MOB3B: variants seen among roughly 807,000 people sequenced by gnomAD.
MOB3B encodes MOB kinase activator 3B.
Under a neutral mutation model 18.7 loss-of-function variants are expected in MOB3B, and 7 were observed. The observed-to-expected ratio is 0.37, with a 90% CI of 0.21 to 0.70. The LOEUF is 0.70. Ranked by LOEUF, MOB3B falls within the 30% of genes least tolerant of loss-of-function variation. The pLI is 0.52. For missense variants in MOB3B, 253 were observed against 281.3 expected (o/e 0.90, Z 0.72); for synonymous variants, 111 against 99.9 (o/e 1.11, Z -0.66).
chr9:27,423,206 C>A (rs901448701), intron 2 of MOB3B, among the ~76,000 whole-genome samples: 1 of 152,130 alleles, frequency 6.6e-6, no homozygotes, highest in Non-Finnish European at 1.5e-5. Context: ...TTCTCATCTG[C>A]AAATTGAGAT....
At chr9:27,407,929 C>T (rs186086418) in intron 2 of MOB3B, among the ~76,000 whole-genome samples, 63 of 141,200 alleles carry the variant, frequency 4.5e-4, no homozygotes, top group African/African-American at 1.8e-3. Context: ...ATCCATCACA[C>T]CTCAGATACT....
intron 2 of MOB3B, among the ~76,000 whole-genome samples, chr9:27,439,905 A>G (rs1297476740): frequency 1.3e-5 from 2 of 152,144 alleles, no homozygotes; most frequent in African/African-American, 2.4e-5. Context: ...GAAAACAGGC[A>G]AAAGGCTGTT....
chr9:27,406,823 T>G (rs539835865), intron 2 of MOB3B, among the ~76,000 whole-genome samples: 2 of 152,150 alleles, frequency 1.3e-5, no homozygotes, highest in East Asian at 3.9e-4. Context: ...AGGACATTGG[T>G]CTGGCCAAGA....
chr9:27,522,731 A>G (rs1250049156), intron 1 of MOB3B, among the ~76,000 whole-genome samples: 1 of 152,018 alleles, frequency 6.6e-6, no homozygotes, highest in Non-Finnish European at 1.5e-5. Context: ...TCAATCGCTG[A>G]GTCAAATATT....
intron 2 of MOB3B, among the ~76,000 whole-genome samples, chr9:27,447,562 G>T (rs537861769): frequency 6.6e-6 from 1 of 152,204 alleles, no homozygotes; most frequent in Non-Finnish European, 1.5e-5. Flanking sequence ...GGAGAATCCA[G>T]TGCAGGTCCG....
chr9:27,480,580 G>A (rs1235547961), intron 1 of MOB3B, among the ~76,000 whole-genome samples: 1 of 152,096 alleles, frequency 6.6e-6, no homozygotes, highest in Non-Finnish European at 1.5e-5. Context: ...GATTACAGAT[G>A]TGAGCCACCG....
chr9:27,452,699 G>C (rs1822808253), intron 2 of MOB3B, among the ~76,000 whole-genome samples: 1 of 152,116 alleles, frequency 6.6e-6, no homozygotes, highest in African/African-American at 2.4e-5. Context: ...AAAAAATAAG[G>C]AAATCCTGTC....
intron 1 of MOB3B, among the ~76,000 whole-genome samples, chr9:27,507,457 A>G (rs554219050): frequency 2.0e-5 from 3 of 152,142 alleles, no homozygotes; most frequent in Admixed American, 6.5e-5. Context: ...TACAATGCGC[A>G]CTCCCCAAAT....
At chr9:27,519,811 C>G (rs1241939113) in intron 1 of MOB3B, among the ~76,000 whole-genome samples, 1 of 151,862 alleles carries the variant, frequency 6.6e-6, no homozygotes, top group African/African-American at 2.4e-5. Flanking sequence ...AAGAAAGGGA[C>G]CAGAAGACAA....
intron 2 of MOB3B, among the ~76,000 whole-genome samples, chr9:27,454,199 C>T (rs1373950573): frequency 6.6e-6 from 1 of 152,232 alleles, no homozygotes; most frequent in Admixed American, 6.5e-5. Flanking sequence ...ACACATCCTA[C>T]CCCAATCTAG....
chr9:27,343,351 G>T (rs1202875055), intron 3 of MOB3B, among the ~76,000 whole-genome samples: 1 of 151,032 alleles, frequency 6.6e-6, no homozygotes. Flanking sequence ...AGGCCGCGGG[G>T]TCCTCTGTCT....
chr9:27,424,922 C>T (rs1290546956), intron 2 of MOB3B, among the ~76,000 whole-genome samples: 1 of 152,182 alleles, frequency 6.6e-6, no homozygotes, highest in Non-Finnish European at 1.5e-5. Context: ...AGGTCTCTTC[C>T]AGCCTCTTCC....
At chr9:27,352,832 T>G (rs563654147) in intron 3 of MOB3B, among the ~76,000 whole-genome samples, 1 of 152,220 alleles carries the variant, frequency 6.6e-6, no homozygotes. Context: ...TGCAGTTAAA[T>G]TGGGCGGGCT....
chr9:27,500,036 T>C (rs761289171), intron 1 of MOB3B, among the ~76,000 whole-genome samples: 1 of 152,194 alleles, frequency 6.6e-6, no homozygotes, highest in Non-Finnish European at 1.5e-5. Flanking sequence ...TAAATGCATC[T>C]TGTGGTTAAA....
chr9:27,354,880 G>C (rs1587150430), intron 3 of MOB3B, among the ~76,000 whole-genome samples: 1 of 152,086 alleles, frequency 6.6e-6, no homozygotes, highest in Admixed American at 6.5e-5. Flanking sequence ...CAGAATTCAG[G>C]AACATCCACT....
At chr9:27,387,748 G>A (rs1317504581) in intron 2 of MOB3B, among the ~76,000 whole-genome samples, 1 of 152,100 alleles carries the variant, frequency 6.6e-6, no homozygotes, top group East Asian at 1.9e-4. Flanking sequence ...CTTGACCACT[G>A]ACCTGGATTA....
At chr9:27,487,754 A>G (rs529027265) in intron 1 of MOB3B, among the ~76,000 whole-genome samples, 3 of 152,140 alleles carry the variant, frequency 2.0e-5, no homozygotes, top group South Asian at 2.1e-4. Context: ...AAATGACTCA[A>G]CTATTTCCAT....
chr9:27,485,929 C>A (rs1436536255), intron 1 of MOB3B, among the ~76,000 whole-genome samples: 1 of 152,160 alleles, frequency 6.6e-6, no homozygotes, highest in African/African-American at 2.4e-5. Context: ...CAAAGAGAGT[C>A]AAAAATCTAT....
At chr9:27,405,550 T>C (rs575241165) in intron 2 of MOB3B, among the ~76,000 whole-genome samples, 1 of 152,344 alleles carries the variant, frequency 6.6e-6, no homozygotes, top group East Asian at 1.9e-4. Flanking sequence ...ATTTTCTTGG[T>C]TCCTTCCTTT....
Sources: gnomAD v4.1 joint callset for allele counts (sites outside exome capture counted in the v4.1 genomes callset) on GRCh38, gnomAD v4.1.1 for gene constraint, MANE v1.5 for transcripts, NCBI Gene and HGNC (gene_info 2026-07-23, HGNC 2026-07-21) for gene names.